The following NUPR2 variants were observed in gnomAD, a reference collection of about 807,000 sequenced individuals.
NUPR2 encodes the protein nuclear protein 2, transcriptional regulator.
In NUPR2, 14 loss-of-function variants were observed where a neutral mutation model predicts 7.3. That is an observed-to-expected ratio of 1.93 (90% CI 1.27 to 3.01). The LOEUF (loss-of-function observed/expected upper bound fraction) is 3.01, where lower values mean the gene tolerates loss of function less well. NUPR2 is among the 30% of genes most tolerant of loss of function. The pLI is 0.00. For synonymous variants in NUPR2, 56 were observed against 59.7 expected, an observed-to-expected ratio of 0.94 and a Z score of 0.29; for missense variants, 162 against 143.7, an observed-to-expected ratio of 1.13 and a Z score of -0.65.
Position 56,116,059 on chromosome 7 carries a change from G to T in NUPR2, c.256C>A (p.Arg86Ser). 1.3e-6 allele frequency: 2 copies of T among 1,499,196 alleles called. No individual in the cohort carries two copies. Among genetic ancestry groups the T allele is most frequent in the Non-Finnish European group, 1.8e-6 (2 of 1,125,974 alleles). The allele number at this position is 1,499,196 out of a possible 1,614,324, so 92.9% of individuals were successfully genotyped here. A position where few individuals can be genotyped will look rare whatever the true frequency, so the allele number is the denominator to read the frequency against. The change falls in exon 1 of 2, where the codon CGC (arginine) becomes AGC (serine). Residue 86 changes from arginine to serine, a missense_variant. Transcript: ENST00000329309. ...GTGCGCATCTTGGGATGCAGCTGGC[G>T]CTGGCGGCGCTTGCGCTGGCCATTG... ...LLNGQRKRRQRQLHPKMRTRL... is the reference protein window; with the variant it reads ...LLNGQRKRRQSQLHPKMRTRL...
chr7:56,116,107 G>C lies in NUPR2; in HGVS notation c.208C>G (p.Arg70Gly), dbSNP rs1246367659. The change falls in exon 1 of 2, where the codon CGC becomes GGC. Residue 70 changes from arginine (R) to glycine (G), a missense_variant. Transcript: ENST00000329309. ...TTGAGGAGCTTCTGCGCGACCTTGC[G>C]CTCGTGCCCGCCAGGTGCAGGCCAG... ...TNWPAPGGHE[R>G]KVAQKLLNGQ... The C allele has an allele frequency of 6.5e-7, 1 of 1,540,220 alleles. No homozygotes were observed. Among genetic ancestry groups the C allele is most frequent in the African/African-American group, 1.4e-5 (1 of 71,588 alleles).
rs1562891787 is a variant in NUPR2 at position 56,115,417 on chromosome 7, A to ACACATGTATATATATACATATATATG, written c.*7-521_*7-520insCATATATATGTATATATATACATGTG. Among the ~76,000 whole-genome samples, 6 of 21,362 alleles carry ACACATGTATATATATACATATATATG rather than the reference A, an allele frequency of 2.8e-4. 1 individual carries two copies. The highest frequency in any genetic ancestry group is 3.9e-4 in the Non-Finnish European group (5 of 12,834). 14.0% of individuals were successfully genotyped at this position (21,362 alleles called of 152,430 possible). On this transcript the variant is annotated intron_variant, in intron 1 of 1. Transcript: ENST00000329309. ...CGCATATATATATATATATATATATATATATATATATTTGTGTGTGTGTGT... is the reference window on the plus strand; with the variant it reads ...CGCATATATATATATATATATATATACACATGTATATATATACATATATATGTATATATATATTTGTGTGTGTGTGT...
At position 56,115,415 on chromosome 7, in the gene NUPR2, A is replaced by ACATGTG. The variant is rs60601611; in HGVS notation, c.*7-519_*7-518insCACATG. ...ATCGCATATATATATATATATATAT[A>ACATGTG]TATATATATATATTTGTGTGTGTGT... On this transcript the variant is annotated intron_variant, in intron 1 of 1. Transcript: ENST00000329309. 5.7e-5 allele frequency among the ~76,000 whole-genome samples: 3 copies of ACATGTG among 52,206 alleles called. 1 individual carries two copies. The highest frequency in any genetic ancestry group is 9.5e-5 in the Non-Finnish European group (3 of 31,484). The allele number at this position is 52,206 out of a possible 152,430, so 34.2% of individuals were successfully genotyped here.
intron 1 of NUPR2, among the ~76,000 whole-genome samples, chr7:56,115,420 T>TATAC (rs1373615276): frequency 2.7e-4 from 14 of 52,174 alleles, no homozygotes; most frequent in African/African-American, 4.1e-4. Flanking sequence ...TATATATATA[T>TATAC]ATATATATTT....
intron 1 of NUPR2, among the ~76,000 whole-genome samples, chr7:56,115,234 C>A (rs1288186490): frequency 6.0e-5 from 9 of 149,778 alleles, no homozygotes; most frequent in Non-Finnish European, 1.3e-4. Context: ...CCGGGCCCAG[C>A]CCAATTACTT....
chr7:56,115,759 T>C (rs1785539840), intron 1 of NUPR2, among the ~76,000 whole-genome samples: 1 of 151,078 alleles, frequency 6.6e-6, no homozygotes, highest in African/African-American at 2.4e-5. Context: ...TGTGAGCCAC[T>C]GCACCCAGGC....
Position 56,115,432 on chromosome 7 carries a change from T to TATATATATAC in NUPR2, c.*7-536_*7-535insGTATATATAT, listed in dbSNP as rs1785530244. Among the ~76,000 whole-genome samples, 5 of 11,260 alleles carry TATATATATAC rather than the reference T, an allele frequency of 4.4e-4. 1 individual carries two copies. Among genetic ancestry groups the TATATATATAC allele is most frequent in the South Asian group, 7.0e-3 (2 of 286 alleles). 7.4% of individuals were successfully genotyped at this position (11,260 alleles called of 152,430 possible). A position where few individuals can be genotyped will look rare whatever the true frequency, so the allele number is the denominator to read the frequency against. On this transcript the variant is annotated intron_variant, in intron 1 of 1. Coordinates refer to ENST00000329309, the MANE Select transcript of NUPR2 (RefSeq NM_001145712.2). ...ATATATATATATATATATATATTTG[T>TATATATATAC]GTGTGTGTGTGTGTGTGTGTGTGTG...
rs1285875592 is a variant in NUPR2 at position 56,115,413 on chromosome 7, A to ACATATGTATATATATACATATATATG, written c.*7-517_*7-516insCATATATATGTATATATATACATATG. Among the ~76,000 whole-genome samples the ACATATGTATATATATACATATATATG allele has an allele frequency of 5.8e-4, 27 of 46,342 alleles. 4 individuals carry two copies. Among genetic ancestry groups the ACATATGTATATATATACATATATATG allele is most frequent in the Non-Finnish European group, 6.5e-4 (18 of 27,586 alleles). 30.4% of individuals were successfully genotyped at this position (46,342 alleles called of 152,430 possible). A position where few individuals can be genotyped will look rare whatever the true frequency, so the allele number is the denominator to read the frequency against. ...CGATCGCATATATATATATATATAT[A>ACATATGTATATATATACATATATATG]TATATATATATATATTTGTGTGTGT... On this transcript the variant is annotated intron_variant, in intron 1 of 1. Coordinates refer to ENST00000329309, the MANE Select transcript of NUPR2 (RefSeq NM_001145712.2).
rs1421083588 is a variant in NUPR2 at position 56,116,354 on chromosome 7, G to A, written c.-40C>T. 8.1e-6 allele frequency: 10 copies of A among 1,234,746 alleles called. No homozygotes were observed. The highest frequency in any genetic ancestry group is 1.0e-5 in the Non-Finnish European group (10 of 954,456). The allele number at this position is 1,234,746 out of a possible 1,614,324, so 76.5% of individuals were successfully genotyped here. A position where few individuals can be genotyped will look rare whatever the true frequency, so the allele number is the denominator to read the frequency against. On this transcript the variant is annotated 5_prime_UTR_variant, in exon 1 of 2. The change creates a new upstream start codon in the 5' untranslated region. Transcript: ENST00000329309. The stretch of plus-strand genomic sequence containing the variant: ...TGGCCACCGGCGGCCACCTGCCCGC[G>A]TCTGGGCGCTCCTGGAAGACCCAGC...
In NUPR2 at chr7:56,115,415, A is replaced by ACATACATATG; in HGVS notation, c.*7-519_*7-518insCATATGTATG. ...ATCGCATATATATATATATATATAT[A>ACATACATATG]TATATATATATATTTGTGTGTGTGT... On this transcript the variant is annotated intron_variant, in intron 1 of 1. Coordinates refer to ENST00000329309, the MANE Select transcript of NUPR2 (RefSeq NM_001145712.2). Among the ~76,000 whole-genome samples, 2 of 52,212 alleles carry ACATACATATG rather than the reference A, an allele frequency of 3.8e-5. 1 individual carries two copies. Among genetic ancestry groups the ACATACATATG allele is most frequent in the South Asian group, 1.2e-3 (2 of 1,658 alleles). 34.3% of individuals were successfully genotyped at this position (52,212 alleles called of 152,430 possible). A position where few individuals can be genotyped will look rare whatever the true frequency, so the allele number is the denominator to read the frequency against.
rs1785531888 is a variant in NUPR2, at chr7:56,115,450, TGTGTG to T, written c.*7-558_*7-554del. Among the ~76,000 whole-genome samples the T allele has an allele frequency of 7.6e-5, 6 of 78,598 alleles. 2 individuals are homozygous for T. The highest frequency in any genetic ancestry group is 5.9e-4 in the East Asian group (1 of 1,686). The allele number at this position is 78,598 out of a possible 152,430, so 51.6% of individuals were successfully genotyped here. A position where few individuals can be genotyped will look rare whatever the true frequency, so the allele number is the denominator to read the frequency against. ...ATATTTGTGTGTGTGTGTGTGTGTG[TGTGTG>T]TGTGTGTGTGTGTGTGTGTGTGACG... On this transcript the variant is annotated intron_variant, in intron 1 of 1. Transcript: ENST00000329309.
rs1311868025 is a variant in NUPR2, at chr7:56,116,166, C to G, written c.149G>C (p.Gly50Ala). 6.5e-7 allele frequency: 1 copy of G among 1,548,210 alleles called. No homozygotes were observed. Among genetic ancestry groups the G allele is most frequent in the African/African-American group, 1.4e-5 (1 of 72,442 alleles). ...FPACGAGRSK[G>A]RTRREQALRT... ...CAGCGCCTGCTCGCGCCGAGTCCGG[C>G]CCTTGCTGCGCCCTGCCCCGCAGGC... The change falls in exon 1 of 2, where the codon GGC (glycine) becomes GCC (alanine). Residue 50 changes from glycine (G) to alanine (A), a missense_variant. Physicochemically the swap from Gly to Ala is moderately conservative, Grantham distance 60. Coordinates refer to ENST00000329309, the MANE Select transcript of NUPR2 (RefSeq NM_001145712.2).
chr7:56,115,928 C>G, intron 1 of NUPR2, 87 bp downstream of exon 1: 1 of 1,237,516 alleles, frequency 8.1e-7, no homozygotes. Flanking sequence ...GCAGCCGACT[C>G]TGCCCAGGGC....
At chr7:56,115,447 G>T (rs1388882102) in intron 1 of NUPR2, among the ~76,000 whole-genome samples, 2 of 36,016 alleles carry the variant, frequency 5.6e-5, no homozygotes, top group African/African-American at 2.7e-4. Flanking sequence ...GTGTGTGTGT[G>T]TGTGTGTGTG....
At position 56,115,429 on chromosome 7, in the gene NUPR2, T is replaced by TTGTGTGTG. The variant is rs59426127; in HGVS notation, c.*7-540_*7-533dup. On this transcript the variant is annotated intron_variant, in intron 1 of 1. Transcript: ENST00000329309. ...TATATATATATATATATATATATAT[T>TTGTGTGTG]TGTGTGTGTGTGTGTGTGTGTGTGT... 9.7e-5 allele frequency among the ~76,000 whole-genome samples: 3 copies of TTGTGTGTG among 30,988 alleles called. 1 individual carries two copies. Among genetic ancestry groups the TTGTGTGTG allele is most frequent in the Non-Finnish European group, 1.6e-4 (3 of 18,444 alleles). The allele number at this position is 30,988 out of a possible 152,430, so 20.3% of individuals were successfully genotyped here.
In NUPR2 at chr7:56,115,418, TATATATATATTTG is replaced by T. The variant is rs1785525805; in HGVS notation, c.*7-534_*7-522del. Among the ~76,000 whole-genome samples the T allele has an allele frequency of 4.9e-5, 2 of 41,102 alleles. 1 individual carries two copies. The highest frequency in any genetic ancestry group is 8.4e-5 in the Non-Finnish European group (2 of 23,842). 27.0% of individuals were successfully genotyped at this position (41,102 alleles called of 152,430 possible). On this transcript the variant is annotated intron_variant, in intron 1 of 1. Coordinates refer to ENST00000329309, the MANE Select transcript of NUPR2 (RefSeq NM_001145712.2). ...GCATATATATATATATATATATATA[TATATATATATTTG>T]TGTGTGTGTGTGTGTGTGTGTGTGT...
intron 1 of NUPR2, 41 bp downstream of exon 1, chr7:56,115,974 T>A (rs1352897489): frequency 7.1e-7 from 1 of 1,407,618 alleles, no homozygotes; most frequent in Admixed American, 2.8e-5. Flanking sequence ...GCTCCTAGGG[T>A]CCCCGGGGCA....
In NUPR2 at chr7:56,116,321, C is replaced by T; in HGVS notation, c.-7G>A. On this transcript the variant is annotated 5_prime_UTR_variant, in exon 1 of 2. Transcript: ENST00000329309. ...GCTCTGCGGGCGCTTCCATCCTGCCCAGGCCTGTGGCCACCGGCGGCCACC... is the reference window on the plus strand; with the variant it reads ...GCTCTGCGGGCGCTTCCATCCTGCCTAGGCCTGTGGCCACCGGCGGCCACC... The T allele has an allele frequency of 7.2e-7, 1 of 1,388,198 alleles. No individual in the cohort carries two copies. Among genetic ancestry groups the T allele is most frequent in the South Asian group, 1.6e-5 (1 of 62,044 alleles). The allele number at this position is 1,388,198 out of a possible 1,614,324, so 86.0% of individuals were successfully genotyped here.
chr7:56,115,399 A>ATATATATATATATACATATG (rs1785522399), intron 1 of NUPR2, among the ~76,000 whole-genome samples: 4 of 19,996 alleles, frequency 2.0e-4, no homozygotes, highest in African/African-American at 9.8e-4. Context: ...GATCGCATAT[A>ATATATATATATATACATATG]TATATATATA....
Sources: gnomAD v4.1 joint callset for allele counts (sites outside exome capture counted in the v4.1 genomes callset) on GRCh38, gnomAD v4.1.1 for gene constraint, MANE v1.5 for transcripts, NCBI Gene and HGNC (gene_info 2026-07-23, HGNC 2026-07-21) for gene names.